Variants in C8orf34 observed in about 807,000 individuals in gnomAD.
C8orf34 encodes uncharacterized protein C8orf34.
In C8orf34, 65 loss-of-function variants were observed where a neutral mutation model predicts 68.3. That is an observed-to-expected ratio of 0.95 (90% CI 0.78 to 1.17). The LOEUF (loss-of-function observed/expected upper bound fraction) is 1.17. Ranked by LOEUF, C8orf34 falls within the 50% of genes most tolerant of loss-of-function variation. The pLI is 0.00. For missense variants in C8orf34, 664 were observed against 655.4 expected, an observed-to-expected ratio of 1.01 and a Z score of -0.14; for synonymous variants, 244 against 241.2, an observed-to-expected ratio of 1.01 and a Z score of -0.11.
chr8:68,615,872 T>A lies in C8orf34; in HGVS notation c.1106-24504T>A, dbSNP rs574062823. Among the ~76,000 whole-genome samples the A allele has an allele frequency of 2.6e-3, 389 of 151,522 alleles. 3 individuals carry two copies. Among genetic ancestry groups the A allele is most frequent in the African/African-American group, 8.9e-3 (367 of 41,128 alleles). On this transcript the variant is annotated intron_variant, in intron 7 of 13. Coordinates refer to ENST00000518698, the MANE Select transcript of C8orf34 (RefSeq NM_052958.4). The stretch of plus-strand genomic sequence containing the variant: ...ATAGTTTCAGAAGGAATGGTACCAG[T>A]TCCTCCTTGTACCTCTGGTAGAATT...
At chr8:68,586,474 C>T (rs937109612) in intron 7 of C8orf34, among the ~76,000 whole-genome samples, 3 of 152,094 alleles carry the variant, frequency 2.0e-5, no homozygotes, top group African/African-American at 7.2e-5. Flanking sequence ...TTTGTGAGGG[C>T]TAGTTAGTTA....
intron 8 of C8orf34, among the ~76,000 whole-genome samples, chr8:68,685,561 A>C (rs555023893): frequency 1.3e-5 from 2 of 152,236 alleles, no homozygotes; most frequent in South Asian, 4.1e-4. Context: ...TTTAAAAAGC[A>C]TGTTGATCCA....
chr8:68,639,795 C>G (rs900204955), intron 7 of C8orf34, among the ~76,000 whole-genome samples: 1 of 152,090 alleles, frequency 6.6e-6, no homozygotes, highest in Non-Finnish European at 1.5e-5. Flanking sequence ...TGGAGCATGA[C>G]TATTCAGGTT....
chr8:68,630,506 C>T (rs2130692629), intron 7 of C8orf34, among the ~76,000 whole-genome samples: 1 of 152,130 alleles, frequency 6.6e-6, no homozygotes. Context: ...ATATATTCAA[C>T]ATATACACTA....
chr8:68,469,983 A>G (rs1328898694), intron 4 of C8orf34, among the ~76,000 whole-genome samples: 1 of 151,176 alleles, frequency 6.6e-6, no homozygotes, highest in Non-Finnish European at 1.5e-5. Flanking sequence ...TAGTTTTTTC[A>G]CAGCTCTTCA....
intron 6 of C8orf34, chr8:68,530,708 T>A: frequency 1.4e-6 from 1 of 711,280 alleles, no homozygotes; most frequent in South Asian, 2.9e-5. Context: ...TTTCCACTAT[T>A]AAAGAGTAAA....
At chr8:68,519,929 T>C (rs1200942166) in intron 5 of C8orf34, among the ~76,000 whole-genome samples, 1 of 152,216 alleles carries the variant, frequency 6.6e-6, no homozygotes, top group Non-Finnish European at 1.5e-5. Flanking sequence ...CAAAAACATG[T>C]CTTCACAGTC....
chr8:68,400,394 TTTCCCCAGCACTATTTATTGCAAAG>T (rs561133384), intron 1 of C8orf34, among the ~76,000 whole-genome samples: 2,336 of 152,206 alleles, frequency 0.015, 29 homozygotes, highest in Admixed American at 0.031. Flanking sequence ...GGCTATCCAA[TTTCCCCAGCACTATTTATTGCAAAG>T]TTCCCCAGCA....
Position 68,533,155 on chromosome 8 carries a change from T to G in C8orf34, c.1105+6T>G. On this transcript the variant is annotated splice_donor_region_variant and intron_variant, in intron 7 of 13. Coordinates refer to ENST00000518698, the MANE Select transcript of C8orf34 (RefSeq NM_052958.4). ...TGATGCAATGGAATTGCTGGGTAAT[T>G]TTAAAAATTAATAATTTCTCATTTT... 6.4e-7 allele frequency: 1 copy of G among 1,559,282 alleles called. No individual in the cohort carries two copies. Among genetic ancestry groups the G allele is most frequent in the Non-Finnish European group, 8.6e-7 (1 of 1,158,936 alleles).
At chr8:68,504,718 C>T (rs893675571) in intron 5 of C8orf34, among the ~76,000 whole-genome samples, 7 of 147,970 alleles carry the variant, frequency 4.7e-5, no homozygotes, top group African/African-American at 1.0e-4. Context: ...CTTGCTCTGT[C>T]GCCGAGGCTG....
chr8:68,734,427 G>A (rs1196708865), intron 10 of C8orf34, among the ~76,000 whole-genome samples: 2 of 152,150 alleles, frequency 1.3e-5, no homozygotes, highest in Admixed American at 6.5e-5. Context: ...AGTGATCAAC[G>A]TGGGGAAATC....
At chr8:68,356,279 A>G (rs960671080) in intron 1 of C8orf34, among the ~76,000 whole-genome samples, 1 of 152,214 alleles carries the variant, frequency 6.6e-6, no homozygotes, top group Non-Finnish European at 1.5e-5. Context: ...AGACTTGGAT[A>G]TCTTTTCAAC....
chr8:68,663,263 ACT>A (rs777370815), intron 8 of C8orf34, among the ~76,000 whole-genome samples: 1 of 151,920 alleles, frequency 6.6e-6, no homozygotes, highest in Non-Finnish European at 1.5e-5. Context: ...GTCTAAGACA[ACT>A]CTCTGAGATC....
chr8:68,348,445 G>C lies in C8orf34; in HGVS notation c.327+17106G>C, dbSNP rs947532905. Among the ~76,000 whole-genome samples the C allele has an allele frequency of 1.3e-5, 2 of 151,962 alleles. 1 individual carries two copies. On this transcript the variant is annotated intron_variant, in intron 1 of 13. Coordinates refer to ENST00000518698, the MANE Select transcript of C8orf34 (RefSeq NM_052958.4). ...TGCTTAGCATTGCCTTGACTATTCA[G>C]GCTTGTTTATCGTTCCATATGAATT...
At chr8:68,369,685 A>G (rs1351423284) in intron 1 of C8orf34, among the ~76,000 whole-genome samples, 1 of 152,192 alleles carries the variant, frequency 6.6e-6, no homozygotes, top group African/African-American at 2.4e-5. Context: ...GCATTGTACC[A>G]GGGCCCAACA....
chr8:68,331,752 G>T (rs1805603834), intron 1 of C8orf34, among the ~76,000 whole-genome samples: 1 of 83,058 alleles, frequency 1.2e-5, no homozygotes, highest in Non-Finnish European at 2.6e-5. Context: ...GTTCGTGTTG[G>T]ATTTTCTTTT....
intron 12 of C8orf34, among the ~76,000 whole-genome samples, chr8:68,800,982 G>T (rs1369373578): frequency 6.6e-6 from 1 of 152,132 alleles, no homozygotes; most frequent in African/African-American, 2.4e-5. Flanking sequence ...TATTGTCTAT[G>T]AGGCTATGTT....
At chr8:68,494,012 C>G (rs1254559897) in intron 5 of C8orf34, among the ~76,000 whole-genome samples, 1 of 152,172 alleles carries the variant, frequency 6.6e-6, no homozygotes, top group Non-Finnish European at 1.5e-5. Context: ...CATCCCACTT[C>G]TAAGTATATA....
intron 1 of C8orf34, chr8:68,438,117 T>G (rs1810739847): frequency 6.6e-6 from 1 of 152,166 alleles, no homozygotes; most frequent in African/African-American, 2.4e-5. Context: ...GATTGGTTGA[T>G]CGAATCATTG....
Sources: allele counts gnomAD v4.1 joint callset (sites outside exome capture counted in the v4.1 genomes callset), GRCh38; gene constraint gnomAD v4.1.1; transcripts MANE v1.5; gene names NCBI Gene and HGNC (gene_info 2026-07-23, HGNC 2026-07-21).